FAIM: variants seen among roughly 807,000 people sequenced by gnomAD.
The protein encoded by FAIM is fas apoptotic inhibitory molecule 1.
Under a neutral mutation model 21.2 loss-of-function variants are expected in FAIM, and 14 were observed. The observed-to-expected ratio is 0.66, with a 90% CI of 0.44 to 1.03. The LOEUF (loss-of-function observed/expected upper bound fraction) is 1.03. Among genes scored for constraint, FAIM ranks in the 50% least tolerant of loss-of-function variants. The pLI is 0.00. For missense variants in FAIM, 222 were observed against 247.1 expected, an observed-to-expected ratio of 0.90 and a Z score of 0.68; for synonymous variants, 86 against 80.4, an observed-to-expected ratio of 1.07 and a Z score of -0.37.
At chr3:138,611,280 GT>G (rs375232579) in intron 1 of FAIM, among the ~76,000 whole-genome samples, 108 of 141,432 alleles carry the variant, frequency 7.6e-4, no homozygotes, top group African/African-American at 2.1e-3. Context: ...TTCTTTTTTT[GT>G]TTTTTTTTTT....
At chr3:138,630,245 A>C (rs1317451838) in intron 5 of FAIM, 1 of 152,224 alleles carries the variant, frequency 6.6e-6, no homozygotes, top group East Asian at 1.9e-4. Flanking sequence ...GTCTGGGATT[A>C]ATTCATTCAG....
intron 4 of FAIM, among the ~76,000 whole-genome samples, chr3:138,626,333 T>G (rs1375976170): frequency 6.6e-6 from 1 of 152,344 alleles, no homozygotes; most frequent in Middle Eastern, 3.4e-3. Context: ...AAAGACACAT[T>G]AAAAAGTCTT....
At chr3:138,622,462 T>C (rs2042898684) in intron 4 of FAIM, 46 bp downstream of exon 4, 2 of 1,266,440 alleles carry the variant, frequency 1.6e-6, no homozygotes, top group Non-Finnish European at 2.2e-6. Context: ...TTTTTTATAA[T>C]GTCTGTTTAA....
In FAIM at chr3:138,622,236, T is replaced by C. The variant is rs752965480; in HGVS notation, c.226T>C (p.Phe76Leu). ...GTTCAAATTAGTGGGCAAAGAAACA[T>C]TCTATGTTGGAGCTGCAAAGACAAA... ...WMFKLVGKET[F>L]YVGAAKTKAT... The change falls in exon 4 of 6, where the codon TTC becomes CTC. Residue 76 changes from phenylalanine (F) to leucine (L), a missense_variant. Coordinates refer to ENST00000360570, the MANE Select transcript of FAIM (RefSeq NM_001033031.2). The C allele has an allele frequency of 6.2e-7, 1 of 1,613,634 alleles. No individual in the cohort carries two copies. The highest frequency in any genetic ancestry group is 8.5e-7 in the Non-Finnish European group (1 of 1,179,912).
At chr3:138,630,334 G>A (rs1335132894) in intron 5 of FAIM, 1 of 152,102 alleles carries the variant, frequency 6.6e-6, no homozygotes, top group Non-Finnish European at 1.5e-5. Flanking sequence ...TTACAAAGAT[G>A]AAGCCACACG....
Position 138,622,376 on chromosome 3 carries a change from G to C in FAIM, c.366G>C (p.Trp122Cys). The C allele has an allele frequency of 2.5e-6, 4 of 1,611,822 alleles. No homozygotes were observed. The South Asian group carries it at 4.4e-5, about 18-fold the overall frequency. Reference protein sequence around the residue: ...MEDRSKTTNTWVLHMDGENFR... With the variant: ...MEDRSKTTNTCVLHMDGENFR... ...ACAGATCAAAAACCACCAATACTTGGGTATTACACATGGATGGTGAGAACT... is the reference window on the plus strand; with the variant it reads ...ACAGATCAAAAACCACCAATACTTGCGTATTACACATGGATGGTGAGAACT... The change falls in exon 4 of 6, where the codon TGG becomes TGC. Residue 122 changes from tryptophan to cysteine, a missense_variant. Transcript: ENST00000360570.
intron 5 of FAIM, among the ~76,000 whole-genome samples, chr3:138,631,296 T>A (rs2043002611): frequency 6.6e-6 from 1 of 151,638 alleles, no homozygotes; most frequent in Non-Finnish European, 1.5e-5. Flanking sequence ...GTGTACCTGG[T>A]CCCCGCTGCT....
intron 1 of FAIM, among the ~76,000 whole-genome samples, chr3:138,616,892 G>A (rs112888903): frequency 2.5e-4 from 38 of 152,150 alleles, no homozygotes; most frequent in African/African-American, 8.9e-4. Context: ...TATATAAGTA[G>A]AATTAGAATG....
intron 1 of FAIM, among the ~76,000 whole-genome samples, chr3:138,615,554 C>A (rs1016790728): frequency 1.3e-5 from 2 of 152,108 alleles, no homozygotes; most frequent in East Asian, 3.8e-4. Context: ...TGCTTTAGTG[C>A]CTTTTAGAAT....
chr3:138,612,706 A>C (rs2042783881), intron 1 of FAIM, among the ~76,000 whole-genome samples: 1 of 152,174 alleles, frequency 6.6e-6, no homozygotes, highest in East Asian at 1.9e-4. Context: ...TAGCAGCAGA[A>C]TTGCTAGGTC....
chr3:138,619,657 C>G (rs971064478), intron 1 of FAIM, 54 bp from the exon 2 acceptor site: 3 of 1,531,126 alleles, frequency 2.0e-6, no homozygotes, highest in Non-Finnish European at 2.7e-6. Context: ...TGCTTTCAAT[C>G]TTTCTTTGCT....
chr3:138,623,073 T>C lies in FAIM; in HGVS notation c.406+657T>C, dbSNP rs553941805. Reference sequence around the variant, plus strand: ...AAAAAAGTAATATTGATGTAGATTTTGGTATTATTTGGTATTTCTCTTTAT... The same window carrying C: ...AAAAAAGTAATATTGATGTAGATTTCGGTATTATTTGGTATTTCTCTTTAT... On this transcript the variant is annotated intron_variant, in intron 4 of 5. Transcript: ENST00000360570. Among the ~76,000 whole-genome samples, 11 of 152,138 alleles carry C rather than the reference T, an allele frequency of 7.2e-5. No homozygotes were observed. The South Asian group carries it at 2.1e-3, about 29-fold the overall frequency.
Position 138,621,525 on chromosome 3 carries a change from T to C in FAIM, c.163T>C (p.Tyr55His). 6.2e-7 allele frequency: 1 copy of C among 1,612,494 alleles called. No homozygotes were observed. The highest frequency in any genetic ancestry group is 8.5e-7 in the Non-Finnish European group (1 of 1,179,548). Residue 55 changes from tyrosine (Y) to histidine (H), a missense_variant, in exon 3 of 6, where the codon TAT becomes CAT. Coordinates refer to ENST00000360570, the MANE Select transcript of FAIM (RefSeq NM_001033031.2). ...HGTTSGKRVV[Y>H]VDGKEEIRKE... ...GACTACATCAGGCAAACGAGTAGTA[T>C]ATGTAGATGGAAAGGTAGGAAGAAA... is the stretch of plus-strand genomic sequence containing the variant.
chr3:138,610,676 G>A (rs1001165179), intron 1 of FAIM: 16 of 258,660 alleles, frequency 6.2e-5, no homozygotes, highest in East Asian at 9.9e-5. Flanking sequence ...TCCACCTCCC[G>A]GGTTCAAGCG....
chr3:138,617,208 T>G (rs2042833998), intron 1 of FAIM, among the ~76,000 whole-genome samples: 1 of 151,630 alleles, frequency 6.6e-6, no homozygotes, highest in South Asian at 2.1e-4. Flanking sequence ...TTCCTTATAA[T>G]AGAAAACAGA....
intron 1 of FAIM, among the ~76,000 whole-genome samples, chr3:138,615,037 ATGG>A (rs1396070233): frequency 6.6e-6 from 1 of 152,194 alleles, no homozygotes; most frequent in Non-Finnish European, 1.5e-5. Context: ...TAAGTTGAAA[ATGG>A]ATTTAGTACA....
chr3:138,622,049 G>T, intron 3 of FAIM, 139 bp from the exon 4 acceptor site: 1 of 702,198 alleles, frequency 1.4e-6, no homozygotes, highest in Non-Finnish European at 2.3e-6. Flanking sequence ...CAAAGCGCTG[G>T]GATTACAGGC....
intron 4 of FAIM, 26 bp downstream of exon 4, chr3:138,622,442 C>CTTTT: frequency 2.7e-6 from 3 of 1,103,072 alleles, no homozygotes; most frequent in South Asian, 1.7e-5. Context: ...TTCCGCAGAA[C>CTTTT]TTTTTTTTTT....
chr3:138,610,417 G>A (rs1396824661), intron 1 of FAIM, among the ~76,000 whole-genome samples: 2 of 152,154 alleles, frequency 1.3e-5, no homozygotes, highest in Non-Finnish European at 2.9e-5. Flanking sequence ...GTGAAAGTAA[G>A]TGGAATATGG....
Sources: allele counts gnomAD v4.1 joint callset (sites outside exome capture counted in the v4.1 genomes callset), GRCh38; gene constraint gnomAD v4.1.1; transcripts MANE v1.5; gene names NCBI Gene and HGNC (gene_info 2026-07-23, HGNC 2026-07-21).